Variants in EIF3A observed in about 807,000 individuals in gnomAD.
EIF3A encodes the protein eukaryotic translation initiation factor 3 subunit A.
A neutral mutation model predicts 186.6 loss-of-function variants in EIF3A; 21 were observed. The ratio of observed to expected loss-of-function variants is 0.11; its 90% CI spans 0.08 to 0.16. The LOEUF is 0.16. Among genes scored for constraint, EIF3A ranks in the 10% least tolerant of loss-of-function variants. The probability of loss-of-function intolerance (pLI) is 1.00; values close to 1 mark genes in which losing one functional copy is unlikely to be tolerated. For synonymous variants in EIF3A, 563 were observed against 584.3 expected, an observed-to-expected ratio of 0.96 and a Z score of 0.52; for missense variants, 1,306 against 1,796.3, an observed-to-expected ratio of 0.73 and a Z score of 4.93.
At chr10:119,047,991 GCAGA>G (rs1263116805) in intron 17 of EIF3A, among the ~76,000 whole-genome samples, 1 of 151,898 alleles carries the variant, frequency 6.6e-6, no homozygotes, top group African/African-American at 2.4e-5. Context: ...GGAAGAGCGT[GCAGA>G]CAGATGCCAC....
rs746652013 is a variant in EIF3A at position 119,051,237 on chromosome 10, C to T, written c.2281G>A (p.Val761Ile). The part of the protein sequence containing the change: ...SRMLEDRDLF[V>I]MRLKAARQSV... ...TGCCGTGCAGCTTTGAGTCGCATTA[C>T]GAATAAATCTCTGTCTTCAAGCATT... Residue 761 changes from valine to isoleucine, a missense_variant, in exon 15 of 22, where the codon GTA (valine) becomes ATA (isoleucine). This residue lies in a region of EIF3A where 410 missense variants were observed against 473.5 expected (regional missense o/e 0.87). Coordinates refer to ENST00000369144, the MANE Select transcript of EIF3A (RefSeq NM_003750.4). The T allele has an allele frequency of 3.1e-6, 5 of 1,611,426 alleles. No individual in the cohort carries two copies. The highest frequency in any genetic ancestry group is 1.1e-5 in the South Asian group (1 of 90,398).
At chr10:119,062,964 C>A (rs1843913836) in intron 7 of EIF3A, among the ~76,000 whole-genome samples, 1 of 151,600 alleles carries the variant, frequency 6.6e-6, no homozygotes, top group Non-Finnish European at 1.5e-5. Flanking sequence ...CCACGATGGC[C>A]AAGCTCGTTT....
In EIF3A at chr10:119,042,078, G is replaced by A. The variant is rs1408257776; in HGVS notation, c.3442C>T (p.Leu1148Phe). Residue 1148 changes from leucine to phenylalanine, a missense_variant, in exon 19 of 22, where the codon CTT becomes TTT. Leu to Phe is a conservative substitution (Grantham distance 22). Transcript: ENST00000369144. The surrounding 1 kb of genome is among the most constrained non-coding windows in gnomAD (Gnocchi z 7.8). ...GPWRNMDDDR[L>F]SRRADDDRFP... ...CGATCATCATCAGCACGTCTTGAAA[G>A]GCGATCATCATCCATGTTTCTCCAA... The A allele has an allele frequency of 4.3e-6, 7 of 1,614,050 alleles. No individual in the cohort carries two copies. Among genetic ancestry groups the A allele is most frequent in the Non-Finnish European group, 5.9e-6 (7 of 1,180,036 alleles).
chr10:119,044,804 C>T (rs553874905), intron 17 of EIF3A, among the ~76,000 whole-genome samples: 1 of 152,304 alleles, frequency 6.6e-6, no homozygotes, highest in South Asian at 2.1e-4. Flanking sequence ...CCCAACATCA[C>T]ACTACTGCAC....
At chr10:119,069,078 A>G (rs1844031223) in intron 6 of EIF3A, among the ~76,000 whole-genome samples, 1 of 152,192 alleles carries the variant, frequency 6.6e-6, no homozygotes, top group Non-Finnish European at 1.5e-5. Context: ...TCATCCGTTA[A>G]ATGTGTTTTT....
Position 119,061,206 on chromosome 10 carries a change from T to A in EIF3A, c.1227+18A>T. The A allele has an allele frequency of 2.1e-6, 3 of 1,423,608 alleles. No homozygotes were observed. The highest frequency in any genetic ancestry group is 2.9e-6 in the Non-Finnish European group (3 of 1,026,506). The allele number at this position is 1,423,608 out of a possible 1,614,324, so 88.2% of individuals were successfully genotyped here. On this transcript the variant is annotated intron_variant, in intron 8 of 21. Transcript: ENST00000369144. ...CCAACTCTGTGGTAACAACCAGAAC[T>A]TAAATACAAAGGCTTACCTTTGTGA...
intron 1 of EIF3A, among the ~76,000 whole-genome samples, chr10:119,078,137 G>A (rs1844205865): frequency 6.6e-6 from 1 of 152,094 alleles, no homozygotes; most frequent in African/African-American, 2.4e-5. Context: ...TACTCAATTT[G>A]TGGCCTTAAT....
chr10:119,047,293 T>C (rs1589687053), intron 17 of EIF3A, among the ~76,000 whole-genome samples: 1 of 151,812 alleles, frequency 6.6e-6, no homozygotes. Context: ...AAAAAGAACC[T>C]AGAAAAGTTC....
intron 20 of EIF3A, among the ~76,000 whole-genome samples, chr10:119,037,634 T>A (rs1202422717): frequency 6.6e-6 from 1 of 152,156 alleles, no homozygotes; most frequent in Non-Finnish European, 1.5e-5. Context: ...AGCAGACACA[T>A]TTTCTTCCTT....
rs143854254 is a variant in EIF3A at position 119,073,061 on chromosome 10, G to C, written c.378-8C>G. The C allele has an allele frequency of 4.9e-4, 778 of 1,585,636 alleles. No homozygotes were observed. The African/African-American group carries it at 9.5e-3, about 19-fold the overall frequency. On this transcript the variant is annotated splice_region_variant and splice_polypyrimidine_tract_variant and intron_variant, in intron 3 of 21. Coordinates refer to ENST00000369144, the MANE Select transcript of EIF3A (RefSeq NM_003750.4). ...ACAGCACTTAGGAGAACACTACAAA[G>C]AAAAAAATGTTGAAAACAATTTTAG...
intron 6 of EIF3A, 61 bp from the exon 7 acceptor site, chr10:119,065,631 G>T (rs1335138981): frequency 7.1e-6 from 9 of 1,262,376 alleles, no homozygotes; most frequent in Non-Finnish European, 1.0e-5. Flanking sequence ...AAGCAGAAAA[G>T]CACTTCTCTT....
chr10:119,037,639 T>C (rs115680485), intron 20 of EIF3A, among the ~76,000 whole-genome samples: 138 of 152,346 alleles, frequency 9.1e-4, no homozygotes, highest in African/African-American at 2.7e-3. Context: ...ACACATTTTC[T>C]TCCTTGAAGA....
At chr10:119,044,942 CTTTTTTTTTT>C (rs78342491) in intron 17 of EIF3A, among the ~76,000 whole-genome samples, 75,049 of 140,694 alleles carry the variant, frequency 0.53, 20,379 homozygotes, top group Middle Eastern at 0.69. Flanking sequence ...ATTTTCTTTT[CTTTTTTTTTT>C]TTTTTTTTTT....
chr10:119,063,517 T>C (rs1437596979), intron 7 of EIF3A, among the ~76,000 whole-genome samples: 3 of 152,232 alleles, frequency 2.0e-5, no homozygotes, highest in Non-Finnish European at 4.4e-5. Context: ...TTTTGATTTC[T>C]TTATTGCTCT....
rs796451366 is a variant in EIF3A at position 119,075,854 on chromosome 10, C to CG, written c.50-1918dup. Among the ~76,000 whole-genome samples the CG allele has an allele frequency of 5.6e-5, 8 of 142,324 alleles. No homozygotes were observed. The East Asian group carries it at 1.0e-3, about 18-fold the overall frequency. The allele number at this position is 142,324 out of a possible 152,430, so 93.4% of individuals were successfully genotyped here. On this transcript the variant is annotated intron_variant, in intron 1 of 21. Coordinates refer to ENST00000369144, the MANE Select transcript of EIF3A (RefSeq NM_003750.4). Reference sequence around the variant, plus strand: ...TCAGCCTCCTGAGTCGCTGGGACTACGGAGCTCGCCACCACGCCTGGCTAA... The same window carrying CG: ...TCAGCCTCCTGAGTCGCTGGGACTACGGGAGCTCGCCACCACGCCTGGCTAA...
rs149307032 is a variant in EIF3A at position 119,059,217 on chromosome 10, T to C, written c.1624A>G (p.Ile542Val). 3.7e-5 allele frequency: 59 copies of C among 1,613,546 alleles called. No individual in the cohort carries two copies. The highest frequency in any genetic ancestry group is 4.9e-5 in the Non-Finnish European group (58 of 1,179,632). ...TTCCCCGGGAAGATGCATACCAGTA[T>C]ATGAGCTGGTTTAATGACTTCAAGT... ...KALEVIKPAH[I>V]LQEKEEQHQL... is the part of the protein sequence containing the mutation. Residue 542 changes from isoleucine (I) to valine (V), a missense_variant, in exon 11 of 22, where the codon ATA becomes GTA. This residue lies in a region of EIF3A where 44 missense variants were observed against 43.4 expected (regional missense o/e 1.01). Transcript: ENST00000369144.
rs76283445 is a variant in EIF3A at position 119,078,671 on chromosome 10, C to CT, written c.49+1956dup. ...TCAAAGGGCTGCAAGGGACCACAGT[C>CT]TTTTTTAAAAAGCTACACAAACAAA... On this transcript the variant is annotated intron_variant, in intron 1 of 21. Coordinates refer to ENST00000369144, the MANE Select transcript of EIF3A (RefSeq NM_003750.4). 1.8e-3 allele frequency among the ~76,000 whole-genome samples: 268 copies of CT among 152,226 alleles called. 3 individuals carry two copies. In the East Asian group the frequency reaches 0.034, roughly 19 times the overall value.
Position 119,042,571 on chromosome 10 carries a change from G to C in EIF3A, c.2949C>G (p.Asp983Glu). 6.2e-7 allele frequency: 1 copy of C among 1,614,032 alleles called. No homozygotes were observed. Among genetic ancestry groups the C allele is most frequent in the Non-Finnish European group, 8.5e-7 (1 of 1,180,012 alleles). ...TGTTACGCCAGGAAGGCCGGTCATCGTCTGCCCCACGACGAGAGAACCTAT... is the reference window on the plus strand; with the variant it reads ...TGTTACGCCAGGAAGGCCGGTCATCCTCTGCCCCACGACGAGAGAACCTAT... Reference protein sequence around the residue: ...EEDRFSRRGADDDRPSWRNTD... With the variant: ...EEDRFSRRGAEDDRPSWRNTD... Residue 983 changes from aspartate (D) to glutamate (E), a missense_variant, in exon 19 of 22, where the codon GAC becomes GAG. Transcript: ENST00000369144. This position sits in a 1 kb window ranked among gnomAD's most constrained non-coding sequence, Gnocchi z 7.8.
chr10:119,058,949 G>A (rs950356556), intron 11 of EIF3A, among the ~76,000 whole-genome samples: 1 of 152,146 alleles, frequency 6.6e-6, no homozygotes, highest in Non-Finnish European at 1.5e-5. Context: ...ACTATTTGAG[G>A]AATCCTATGT....
Sources: allele counts gnomAD v4.1 joint callset (sites outside exome capture counted in the v4.1 genomes callset), GRCh38; gene constraint gnomAD v4.1.1; regional missense constraint gnomAD v4.1.1; non-coding constraint Gnocchi (gnomAD v3.1); transcripts MANE v1.5; gene names NCBI Gene and HGNC (gene_info 2026-07-23, HGNC 2026-07-21).